Variants in TFDP1 observed in about 807,000 individuals in gnomAD.
TFDP1 encodes the protein transcription factor Dp-1.
A neutral mutation model predicts 48.0 loss-of-function variants in TFDP1; 6 were observed. The ratio of observed to expected loss-of-function variants is 0.13; its 90% CI spans 0.07 to 0.25. The LOEUF is 0.25. TFDP1 is among the 10% of genes least tolerant of loss of function. The pLI is 1.00. For missense variants in TFDP1, 335 were observed against 543.0 expected (o/e 0.62, Z 3.81); for synonymous variants, 201 against 211.6 (o/e 0.95, Z 0.44).
intron 2 of TFDP1, among the ~76,000 whole-genome samples, chr13:113,592,810 G>A (rs766642787): frequency 6.6e-6 from 1 of 151,602 alleles, no homozygotes; most frequent in Non-Finnish European, 1.5e-5. Context: ...TGGGTCTTCA[G>A]CCCTGCCCAG....
At chr13:113,593,672 G>A (rs2048207220) in intron 2 of TFDP1, among the ~76,000 whole-genome samples, 1 of 134,914 alleles carries the variant, frequency 7.4e-6, no homozygotes, top group South Asian at 2.5e-4. Flanking sequence ...TGGTGTACAC[G>A]GGTCCTCAGC....
chr13:113,589,199 A>T (rs2048080534), intron 2 of TFDP1, among the ~76,000 whole-genome samples: 1 of 152,146 alleles, frequency 6.6e-6, no homozygotes, highest in Non-Finnish European at 1.5e-5. Flanking sequence ...ATTTTATTGC[A>T]CTTATTTGAA....
At position 113,634,916 on chromosome 13, in the gene TFDP1, T is replaced by C. The variant is rs4150801; in HGVS notation, c.687+314T>C. Among the ~76,000 whole-genome samples, 1,111 of 152,184 alleles carry C rather than the reference T, an allele frequency of 7.3e-3. 16 individuals are homozygous for C. Among genetic ancestry groups the C allele is most frequent in the African/African-American group, 0.025 (1,048 of 41,502 alleles). ...GTGCGTGCATGTGCCTGTGTGCGTG[T>C]GTGTGTGTGCATGTGTGCATACATG... On this transcript the variant is annotated intron_variant, in intron 8 of 11. Coordinates refer to ENST00000375370, the MANE Select transcript of TFDP1 (RefSeq NM_007111.5).
At chr13:113,597,618 G>A (rs773134347) in intron 2 of TFDP1, among the ~76,000 whole-genome samples, 2 of 152,200 alleles carry the variant, frequency 1.3e-5, no homozygotes, top group African/African-American at 4.8e-5. Context: ...GAGAAAGGAG[G>A]GCGTCAGCTG....
At chr13:113,634,737 T>A (rs1037777438) in intron 8 of TFDP1, 135 bp downstream of exon 8, 12 of 688,806 alleles carry the variant, frequency 1.7e-5, no homozygotes, top group Admixed American at 3.0e-5. Flanking sequence ...GAGTGTGAGT[T>A]CATCTCATAG....
At chr13:113,615,208 G>A (rs2048826904) in intron 3 of TFDP1, among the ~76,000 whole-genome samples, 1 of 152,218 alleles carries the variant, frequency 6.6e-6, no homozygotes, top group African/African-American at 2.4e-5. Flanking sequence ...ATTGTTTCCT[G>A]AGAGCAAAAT....
chr13:113,613,714 T>G (rs1393006975), intron 3 of TFDP1, among the ~76,000 whole-genome samples: 2 of 135,776 alleles, frequency 1.5e-5, no homozygotes, highest in Admixed American at 7.4e-5. Context: ...TGCGTGGGTA[T>G]GTGAGGAGTG....
intron 4 of TFDP1, among the ~76,000 whole-genome samples, chr13:113,625,744 CA>C (rs2049145510): frequency 3.2e-5 from 4 of 125,878 alleles, no homozygotes; most frequent in Admixed American, 3.0e-4. Flanking sequence ...CACGTGTCCT[CA>C]GGCGTCTCTC....
At position 113,607,598 on chromosome 13, in the gene TFDP1, A is replaced by C. The variant is rs903924238; in HGVS notation, c.13-3398A>C. ...TGCCCTGCAGTTACCCCAGAGCTTT[A>C]TGTCACAACATTGAGGCTGGCGGAG... On this transcript the variant is annotated intron_variant, in intron 2 of 11. Transcript: ENST00000375370. This position sits in a 1 kb window ranked among gnomAD's most constrained non-coding sequence, Gnocchi z 5.2. 2.0e-5 allele frequency among the ~76,000 whole-genome samples: 3 copies of C among 152,104 alleles called. No homozygotes were observed. The highest frequency in any genetic ancestry group is 7.2e-5 in the African/African-American group (3 of 41,414).
rs959387208 is a variant in TFDP1 at position 113,633,494 on chromosome 13, T to C, written c.474+209T>C. Among the ~76,000 whole-genome samples the C allele has an allele frequency of 1.3e-5, 2 of 152,146 alleles. No individual in the cohort carries two copies. The highest frequency in any genetic ancestry group is 2.9e-5 in the Non-Finnish European group (2 of 68,038). ...AGCGGTGTGGTACGTTTCGCTCTTTTAATATCGGGAACAGTTAAAACCATA... is the reference window on the plus strand; with the variant it reads ...AGCGGTGTGGTACGTTTCGCTCTTTCAATATCGGGAACAGTTAAAACCATA... On this transcript the variant is annotated intron_variant, in intron 6 of 11. Transcript: ENST00000375370. This position sits in a 1 kb window ranked among gnomAD's most constrained non-coding sequence, Gnocchi z 4.5.
chr13:113,636,859 CA>C (rs988436368), intron 10 of TFDP1, among the ~76,000 whole-genome samples, 159 bp downstream of exon 10: 1 of 152,064 alleles, frequency 6.6e-6, no homozygotes, highest in Non-Finnish European at 1.5e-5. Context: ...GGGATGAGGG[CA>C]GGGGTGTGGC....
chr13:113,599,510 G>A (rs2048359635), intron 2 of TFDP1, among the ~76,000 whole-genome samples: 1 of 152,220 alleles, frequency 6.6e-6, no homozygotes, highest in Non-Finnish European at 1.5e-5. Context: ...CCTGTTGATG[G>A]GCTGCCCTGG....
At chr13:113,616,334 G>A (rs1016138917) in intron 3 of TFDP1, among the ~76,000 whole-genome samples, 2 of 152,112 alleles carry the variant, frequency 1.3e-5, no homozygotes, top group South Asian at 4.2e-4. Context: ...GACCCTTCCA[G>A]TCACGGTTTC....
chr13:113,625,868 G>T (rs1357418588), intron 4 of TFDP1, among the ~76,000 whole-genome samples: 2 of 140,648 alleles, frequency 1.4e-5, no homozygotes, highest in Non-Finnish European at 3.1e-5. Flanking sequence ...CGCGTCCTCA[G>T]GTGTCTCTCA....
chr13:113,593,704 G>C (rs1594408530), intron 2 of TFDP1, among the ~76,000 whole-genome samples: 2 of 123,892 alleles, frequency 1.6e-5, no homozygotes, highest in African/African-American at 6.3e-5. Context: ...GACAGGTGTG[G>C]TGTACGTGGG....
intron 2 of TFDP1, among the ~76,000 whole-genome samples, chr13:113,602,573 CAG>C (rs1041836792): frequency 2.6e-5 from 4 of 152,196 alleles, no homozygotes; most frequent in Non-Finnish European, 4.4e-5. Context: ...CTCCAGTCCT[CAG>C]GGGGATCCCT....
In TFDP1 at chr13:113,627,377, C is replaced by T. The variant is rs1041670298; in HGVS notation, c.186+4091C>T. On this transcript the variant is annotated intron_variant, in intron 4 of 11. Transcript: ENST00000375370. This position sits in a 1 kb window ranked among gnomAD's most constrained non-coding sequence, Gnocchi z 4.1. ...GCAGGAGCAGCGGCCTGTGTGAGCC[C>T]CTGGGGAGAAGCAGCCCCCCACCCA... Among the ~76,000 whole-genome samples the T allele has an allele frequency of 3.3e-5, 5 of 152,112 alleles. No homozygotes were observed. The highest frequency in any genetic ancestry group is 2.0e-4 in the Admixed American group (3 of 15,272).
chr13:113,613,250 A>G (rs1210041139), intron 3 of TFDP1, among the ~76,000 whole-genome samples: 1 of 152,208 alleles, frequency 6.6e-6, no homozygotes, highest in Admixed American at 6.5e-5. Flanking sequence ...TCCTGACATC[A>G]TGATCCGCCC....
At chr13:113,635,878 CT>C in intron 8 of TFDP1, 98 bp from the exon 9 acceptor site, 1 of 1,389,380 alleles carries the variant, frequency 7.2e-7, no homozygotes, top group African/African-American at 1.4e-5. Context: ...CAACTCCTCG[CT>C]GTCACGTGGA....
Sources: gnomAD v4.1 joint callset for allele counts (sites outside exome capture counted in the v4.1 genomes callset) on GRCh38, gnomAD v4.1.1 for gene constraint, Gnocchi (gnomAD v3.1) non-coding constraint, MANE v1.5 for transcripts, NCBI Gene and HGNC (gene_info 2026-07-23, HGNC 2026-07-21) for gene names.